SHANK2: variants seen among roughly 807,000 people sequenced by gnomAD.
SHANK2 encodes SH3 and multiple ankyrin repeat domains protein 2.
A neutral mutation model predicts 133.7 loss-of-function variants in SHANK2; 43 were observed. The ratio of observed to expected loss-of-function variants is 0.32; its 90% CI spans 0.25 to 0.41. SHANK2 has a LOEUF of 0.41. SHANK2 is among the 10% of genes least tolerant of loss of function. The pLI is 1.00. For missense variants in SHANK2, 1,994 were observed against 2,235.8 expected (o/e 0.89, Z 2.18); for synonymous variants, 1,017 against 952.8 (o/e 1.07, Z -1.24).
intron 17 of SHANK2, among the ~76,000 whole-genome samples, chr11:70,528,026 C>T (rs1413332138): frequency 1.3e-5 from 2 of 152,220 alleles, no homozygotes; most frequent in African/African-American, 4.8e-5. Flanking sequence ...AGCAAATGGG[C>T]AGGCCACACT....
At chr11:70,556,749 G>A (rs928314462) in intron 17 of SHANK2, among the ~76,000 whole-genome samples, 1 of 151,948 alleles carries the variant, frequency 6.6e-6, no homozygotes, top group Admixed American at 6.6e-5. Flanking sequence ...GTGCTACCAC[G>A]TCCAGCTAAT....
chr11:70,702,571 A>C (rs1211519170), intron 14 of SHANK2, among the ~76,000 whole-genome samples: 1 of 152,178 alleles, frequency 6.6e-6, no homozygotes, highest in Non-Finnish European at 1.5e-5. Flanking sequence ...AACCACTATG[A>C]CCGCCACAAT....
intron 17 of SHANK2, among the ~76,000 whole-genome samples, chr11:70,516,675 G>A (rs1201109668): frequency 6.6e-6 from 1 of 152,172 alleles, no homozygotes; most frequent in Non-Finnish European, 1.5e-5. Context: ...CACAGACTGG[G>A]GGAAAATCTT....
intron 17 of SHANK2, among the ~76,000 whole-genome samples, chr11:70,568,197 C>T (rs1301459448): frequency 6.6e-6 from 1 of 152,210 alleles, no homozygotes; most frequent in African/African-American, 2.4e-5. Flanking sequence ...GTAGCTGCAG[C>T]CTCTTCCGCG....
intron 12 of SHANK2, among the ~76,000 whole-genome samples, chr11:70,810,908 C>T (rs1306392002): frequency 3.3e-5 from 5 of 152,204 alleles, no homozygotes; most frequent in African/African-American, 1.2e-4. Flanking sequence ...ACCCCCTCTC[C>T]TGGCCGGTGA....
intron 11 of SHANK2, among the ~76,000 whole-genome samples, chr11:70,862,157 T>C (rs1392835335): frequency 6.6e-6 from 1 of 152,204 alleles, no homozygotes; most frequent in African/African-American, 2.4e-5. Context: ...ACTGAACTGA[T>C]GGCACACCTG....
At chr11:71,221,381 C>A (rs782615219) in intron 2 of SHANK2, among the ~76,000 whole-genome samples, 1 of 152,130 alleles carries the variant, frequency 6.6e-6, no homozygotes, top group Non-Finnish European at 1.5e-5. Flanking sequence ...CAGCAGGAGA[C>A]GGTGGCCGGA....
intron 9 of SHANK2, among the ~76,000 whole-genome samples, chr11:71,073,201 C>G (rs1300994292): frequency 9.6e-6 from 1 of 104,186 alleles, no homozygotes; most frequent in Non-Finnish European, 2.0e-5. Flanking sequence ...CTCTGTCACC[C>G]AGGCTGGAGT....
intron 3 of SHANK2, among the ~76,000 whole-genome samples, chr11:71,126,646 G>C (rs1303366401): frequency 2.0e-5 from 3 of 151,342 alleles, no homozygotes; most frequent in Non-Finnish European, 4.4e-5. Flanking sequence ...ATGCCATTAA[G>C]AATATTCATG....
At chr11:70,643,166 A>G (rs1451576355) in intron 17 of SHANK2, among the ~76,000 whole-genome samples, 3 of 152,226 alleles carry the variant, frequency 2.0e-5, no homozygotes, top group Non-Finnish European at 4.4e-5. Flanking sequence ...ATCTTGAAGG[A>G]TTATCACATT....
intron 11 of SHANK2, among the ~76,000 whole-genome samples, chr11:70,847,369 C>T (rs782357717): frequency 3.3e-5 from 5 of 152,094 alleles, no homozygotes; most frequent in African/African-American, 4.8e-5. Context: ...AGGGTGGTGA[C>T]GGGGTTGGCA....
intron 17 of SHANK2, among the ~76,000 whole-genome samples, chr11:70,516,512 C>T (rs1157631839): frequency 2.0e-5 from 3 of 152,172 alleles, no homozygotes; most frequent in African/African-American, 7.2e-5. Context: ...TATGACACTT[C>T]TAGAAGATAA....
At chr11:70,859,095 G>T (rs535011892) in intron 11 of SHANK2, among the ~76,000 whole-genome samples, 1 of 152,176 alleles carries the variant, frequency 6.6e-6, no homozygotes, top group East Asian at 1.9e-4. Flanking sequence ...TGGATAAACA[G>T]AATGGTGGGT....
chr11:70,899,310 C>T (rs1477032546), intron 10 of SHANK2, among the ~76,000 whole-genome samples: 1 of 152,176 alleles, frequency 6.6e-6, no homozygotes, highest in East Asian at 1.9e-4. Flanking sequence ...TCTGGCATTT[C>T]CCCTGCTGAC....
At chr11:70,730,096 G>T (rs1946255111) in intron 14 of SHANK2, among the ~76,000 whole-genome samples, 1 of 152,006 alleles carries the variant, frequency 6.6e-6, no homozygotes, top group South Asian at 2.1e-4. Flanking sequence ...CTCTTAGAAG[G>T]GCCTTGGAGA....
chr11:71,100,698 C>A (rs1285325029), intron 6 of SHANK2, among the ~76,000 whole-genome samples: 2 of 152,026 alleles, frequency 1.3e-5, no homozygotes, highest in Non-Finnish European at 2.9e-5. Flanking sequence ...GAAACCCCGT[C>A]TCTACTAAAA....
chr11:70,809,672 A>G (rs1244035581), intron 12 of SHANK2, among the ~76,000 whole-genome samples: 1 of 152,212 alleles, frequency 6.6e-6, no homozygotes. Context: ...TGTAGGGAGC[A>G]GATTGGGCCT....
chr11:71,236,604 A>C (rs941782084), intron 1 of SHANK2, among the ~76,000 whole-genome samples: 7 of 152,266 alleles, frequency 4.6e-5, no homozygotes, highest in African/African-American at 1.7e-4. Context: ...GGCAACTTAC[A>C]GAACCATGAC....
chr11:70,572,720 C>T (rs1336531153), intron 17 of SHANK2, among the ~76,000 whole-genome samples: 5 of 152,320 alleles, frequency 3.3e-5, no homozygotes, highest in African/African-American at 1.2e-4. Context: ...CGCCACCTCA[C>T]ACTGTTCCAA....
Sources: gnomAD v4.1 joint callset for allele counts (sites outside exome capture counted in the v4.1 genomes callset) on GRCh38, gnomAD v4.1.1 for gene constraint, MANE v1.5 for transcripts, NCBI Gene and HGNC (gene_info 2026-07-23, HGNC 2026-07-21) for gene names.